The following MFHAS1 variants were observed in gnomAD, a reference collection of about 807,000 sequenced individuals.
MFHAS1 encodes multifunctional ROCO family signaling regulator 1.
A neutral mutation model predicts 70.4 loss-of-function variants in MFHAS1; 50 were observed. The ratio of observed to expected loss-of-function variants is 0.71; its 90% confidence interval spans 0.57 to 0.90. The LOEUF (loss-of-function observed/expected upper bound fraction) is 0.90. Among genes scored for constraint, MFHAS1 ranks in the 40% least tolerant of loss-of-function variants. MFHAS1 has a pLI of 0.00. For synonymous variants in MFHAS1, 952 were observed against 620.0 expected, an observed-to-expected ratio of 1.54 and a Z score of -7.96; for missense variants, 1,795 against 1,347.6, an observed-to-expected ratio of 1.33 and a Z score of -5.20.
rs1490855225 is a variant in MFHAS1 at position 8,784,615 on chromosome 8, C to G, written c.*1407G>C. The G allele has an allele frequency of 6.6e-6, 1 of 152,142 alleles. No homozygotes were observed. The highest frequency in any genetic ancestry group is 1.5e-5 in the Non-Finnish European group (1 of 68,026). 9.4% of individuals were successfully genotyped at this position (152,142 alleles called of 1,614,324 possible). On this transcript the variant is annotated 3_prime_UTR_variant, in exon 3 of 3. Coordinates refer to ENST00000276282, the MANE Select transcript of MFHAS1 (RefSeq NM_004225.3). ...ATGTTGAGACTTTGTATACTGTAGC[C>G]TTCCAAGAGTCAATACTTTACAAAA...
intron 1 of MFHAS1, among the ~76,000 whole-genome samples, chr8:8,866,389 G>C (rs1440081432): frequency 1.3e-5 from 2 of 151,164 alleles, no homozygotes; most frequent in African/African-American, 2.4e-5. Context: ...CGTAATCTCA[G>C]CTCACCGTAG....
rs1810168436 is a variant in MFHAS1 at position 8,893,211 on chromosome 8, C to T, written c.-153G>A. 1 of 260,972 alleles carries T rather than the reference C, an allele frequency of 3.8e-6. No homozygotes were observed. Among genetic ancestry groups the T allele is most frequent in the Non-Finnish European group, 6.5e-6 (1 of 153,404 alleles). 16.2% of individuals were successfully genotyped at this position (260,972 alleles called of 1,614,324 possible). A position where few individuals can be genotyped will look rare whatever the true frequency, so the allele number is the denominator to read the frequency against. On this transcript the variant is annotated 5_prime_UTR_variant, in exon 1 of 3. Coordinates refer to ENST00000276282, the MANE Select transcript of MFHAS1 (RefSeq NM_004225.3). ...TCCTAGCGCAGCCAGCGGCCGAGCGCTGGCGGCTAGGGGGCGGCGGCGACG... is the reference window on the plus strand; with the variant it reads ...TCCTAGCGCAGCCAGCGGCCGAGCGTTGGCGGCTAGGGGGCGGCGGCGACG...
intron 1 of MFHAS1, among the ~76,000 whole-genome samples, chr8:8,826,276 G>GTA (rs1352712487): frequency 2.0e-5 from 3 of 151,164 alleles, no homozygotes; most frequent in Non-Finnish European, 2.9e-5. Context: ...GTGTGTGTGT[G>GTA]TCGCACACTG....
chr8:8,844,084 G>T (rs1336055252), intron 1 of MFHAS1, among the ~76,000 whole-genome samples: 2 of 152,182 alleles, frequency 1.3e-5, no homozygotes, highest in African/African-American at 4.8e-5. Context: ...AGATGGAGAA[G>T]AAAGAACTCT....
intron 1 of MFHAS1, among the ~76,000 whole-genome samples, chr8:8,847,348 A>C (rs111799064): frequency 0.022 from 3,384 of 152,160 alleles, 131 homozygotes; most frequent in African/African-American, 0.077. Flanking sequence ...CACCCAGCTA[A>C]TTTTTGTATT....
chr8:8,835,816 T>C (rs1807574350), intron 1 of MFHAS1, among the ~76,000 whole-genome samples: 1 of 152,256 alleles, frequency 6.6e-6, no homozygotes, highest in South Asian at 2.1e-4. Flanking sequence ...CTTGTGATTA[T>C]TTAGAACAAA....
intron 1 of MFHAS1, among the ~76,000 whole-genome samples, chr8:8,854,693 A>G (rs1298702802): frequency 2.0e-5 from 3 of 152,128 alleles, no homozygotes; most frequent in Admixed American, 6.5e-5. Context: ...TCAAAAAAAA[A>G]AAAAGGAAGA....
intron 1 of MFHAS1, among the ~76,000 whole-genome samples, chr8:8,828,524 T>G (rs914713989): frequency 6.6e-6 from 1 of 152,002 alleles, no homozygotes; most frequent in Non-Finnish European, 1.5e-5. Flanking sequence ...CGGGCCCTAG[T>G]CCACATTGCT....
chr8:8,891,738 C>G lies in MFHAS1; in HGVS notation c.1321G>C (p.Gly441Arg). The change falls in exon 1 of 3, where the codon GGG (glycine) becomes CGG (arginine). Residue 441 changes from glycine (G) to arginine (R), a missense_variant. By Grantham distance (125) the Gly-to-Arg change is moderately radical. Transcript: ENST00000276282. This position sits in a 1 kb window ranked among gnomAD's most constrained non-coding sequence, Gnocchi z 5.4. ...GGTGGGTAGCACTTCTCCTTGTCCC[C>G]TCCTCCTGGGCATCCCTCCACTCTC... is the stretch of plus-strand genomic sequence containing the variant. Reference protein sequence around the residue: ...EERVEGCPGGGDKEKCYPPSP... With the variant: ...EERVEGCPGGRDKEKCYPPSP... 2 of 1,613,440 alleles carry G rather than the reference C, an allele frequency of 1.2e-6. No homozygotes were observed. Among genetic ancestry groups the G allele is most frequent in the Non-Finnish European group, 1.7e-6 (2 of 1,180,022 alleles).
chr8:8,800,349 A>G (rs1418582699), intron 1 of MFHAS1, among the ~76,000 whole-genome samples: 2 of 152,244 alleles, frequency 1.3e-5, no homozygotes, highest in Non-Finnish European at 2.9e-5. Flanking sequence ...ATCCTCAAAT[A>G]TAAAAATGCA....
At chr8:8,879,646 C>T (rs988714089) in intron 1 of MFHAS1, among the ~76,000 whole-genome samples, 3 of 152,136 alleles carry the variant, frequency 2.0e-5, no homozygotes, top group Admixed American at 6.6e-5. Context: ...AGCCAGGGTT[C>T]CCCCCAAAGT....
At chr8:8,818,917 A>G (rs1468393842) in intron 1 of MFHAS1, among the ~76,000 whole-genome samples, 1 of 152,204 alleles carries the variant, frequency 6.6e-6, no homozygotes, top group East Asian at 1.9e-4. Context: ...TATTATTTGT[A>G]GCCCCTTTTT....
At chr8:8,877,619 T>C (rs745978695) in intron 1 of MFHAS1, among the ~76,000 whole-genome samples, 1 of 152,174 alleles carries the variant, frequency 6.6e-6, no homozygotes, top group Non-Finnish European at 1.5e-5. Context: ...ATAGTGAAAG[T>C]GACCAGCAGC....
chr8:8,824,521 T>TCACACA (rs57194505), intron 1 of MFHAS1, among the ~76,000 whole-genome samples: 125 of 146,016 alleles, frequency 8.6e-4, no homozygotes, highest in East Asian at 3.0e-3. Flanking sequence ...TCTCTCTCTT[T>TCACACA]CACACACACA....
At chr8:8,791,257 G>T (rs1222232689) in intron 2 of MFHAS1, among the ~76,000 whole-genome samples, 4 of 151,760 alleles carry the variant, frequency 2.6e-5, no homozygotes, top group African/African-American at 4.8e-5. Flanking sequence ...TATCGCTGCA[G>T]GAGAAACGTC....
At chr8:8,811,233 A>G (rs932623366) in intron 1 of MFHAS1, among the ~76,000 whole-genome samples, 1 of 152,184 alleles carries the variant, frequency 6.6e-6, no homozygotes, top group Non-Finnish European at 1.5e-5. Context: ...AAAAGCACTA[A>G]ATTGCACAAC....
At chr8:8,799,113 A>C (rs1016383011) in intron 1 of MFHAS1, among the ~76,000 whole-genome samples, 2 of 151,996 alleles carry the variant, frequency 1.3e-5, no homozygotes, top group Admixed American at 6.6e-5. Context: ...GTCCCCCCTT[A>C]TCCCTCAGAC....
chr8:8,793,380 A>T (rs1156505171), intron 2 of MFHAS1, among the ~76,000 whole-genome samples: 2 of 152,252 alleles, frequency 1.3e-5, no homozygotes, highest in Non-Finnish European at 2.9e-5. Context: ...TTAAATGACA[A>T]GTCTCTGATT....
intron 1 of MFHAS1, among the ~76,000 whole-genome samples, chr8:8,804,418 C>CA (rs1389399785): frequency 6.6e-6 from 1 of 152,048 alleles, no homozygotes; most frequent in African/African-American, 2.4e-5. Context: ...AACAAACAAA[C>CA]AAAAAAACAA....
Sources: gnomAD v4.1 joint callset for allele counts (sites outside exome capture counted in the v4.1 genomes callset) on GRCh38, gnomAD v4.1.1 for gene constraint, Gnocchi (gnomAD v3.1) non-coding constraint, MANE v1.5 for transcripts, NCBI Gene and HGNC (gene_info 2026-07-23, HGNC 2026-07-21) for gene names.